Variants in CDH13 observed in about 807,000 individuals in gnomAD.
CDH13 encodes the protein cadherin-13.
In CDH13, 24 loss-of-function variants were observed where a neutral mutation model predicts 63.8. The observed-to-expected ratio is 0.38, with a 90% confidence interval of 0.27 to 0.53. The LOEUF (loss-of-function observed/expected upper bound fraction) is 0.53. Among genes scored for constraint, CDH13 ranks in the 20% least tolerant of loss-of-function variants. The pLI is 0.85. For synonymous variants in CDH13, 503 were observed against 355.3 expected, an observed-to-expected ratio of 1.42 and a Z score of -4.67; for missense variants, 1,049 against 903.1, an observed-to-expected ratio of 1.16 and a Z score of -2.07.
chr16:83,332,447 A>G (rs1195454308), intron 5 of CDH13, among the ~76,000 whole-genome samples: 1 of 152,192 alleles, frequency 6.6e-6, no homozygotes, highest in African/African-American at 2.4e-5. Context: ...TTACTTAACA[A>G]AATGACTTTA....
intron 5 of CDH13, among the ~76,000 whole-genome samples, chr16:83,300,821 T>C (rs2089716351): frequency 6.6e-6 from 1 of 152,200 alleles, no homozygotes; most frequent in African/African-American, 2.4e-5. Flanking sequence ...TTGTACATTT[T>C]ACTGTGTATG....
chr16:82,858,680 G>A, intron 2 of CDH13: 1 of 613,704 alleles, frequency 1.6e-6, no homozygotes, highest in Non-Finnish European at 2.9e-6. Context: ...TCTCTTTTTA[G>A]TATTTTATCA....
intron 2 of CDH13, among the ~76,000 whole-genome samples, chr16:82,943,851 C>T (rs187129733): frequency 1.1e-3 from 166 of 152,288 alleles, no homozygotes; most frequent in Non-Finnish European, 1.0e-3. Flanking sequence ...GTCAAGCAAT[C>T]GGCTTGCCAC....
intron 7 of CDH13, among the ~76,000 whole-genome samples, chr16:83,576,505 T>A (rs1567778377): frequency 6.6e-6 from 1 of 152,226 alleles, no homozygotes; most frequent in Non-Finnish European, 1.5e-5. Context: ...TGTTTCTAAT[T>A]CTTTGGGGTA....
intron 5 of CDH13, among the ~76,000 whole-genome samples, chr16:83,320,717 C>G (rs1010193829): frequency 3.3e-5 from 5 of 152,120 alleles, no homozygotes; most frequent in African/African-American, 7.2e-5. Context: ...ATTCTCTTGT[C>G]ATTAGTTCCG....
At chr16:83,446,307 A>G (rs2072686799) in intron 6 of CDH13, among the ~76,000 whole-genome samples, 1 of 151,850 alleles carries the variant, frequency 6.6e-6, no homozygotes, top group Admixed American at 6.6e-5. Flanking sequence ...TCTCAAAAAA[A>G]AAAAAAAAAG....
rs1907343837 is a variant in CDH13, at chr16:82,626,978, G to A, written c.-115G>A. The A allele has an allele frequency of 1.6e-6, 2 of 1,218,128 alleles. No individual in the cohort carries two copies. Among genetic ancestry groups the A allele is most frequent in the Non-Finnish European group, 2.4e-6 (2 of 843,826 alleles). The allele number at this position is 1,218,128 out of a possible 1,614,324, so 75.5% of individuals were successfully genotyped here. A position where few individuals can be genotyped will look rare whatever the true frequency, so the allele number is the denominator to read the frequency against. On this transcript the variant is annotated 5_prime_UTR_variant, in exon 1 of 14. Transcript: ENST00000567109. ...ATGCTGCTGCTGATCTATTTGGGAAGTTGGCTGGCTGGCGAGGCAGAGCCT... is the reference window on the plus strand; with the variant it reads ...ATGCTGCTGCTGATCTATTTGGGAAATTGGCTGGCTGGCGAGGCAGAGCCT...
At chr16:82,711,744 C>G (rs9931377) in intron 1 of CDH13, among the ~76,000 whole-genome samples, 41,627 of 152,096 alleles carry the variant, frequency 0.27, 6,300 homozygotes, top group Admixed American at 0.38. Flanking sequence ...GGAACACATT[C>G]TAAAGTTCAG....
chr16:82,888,825 C>G (rs2040980379), intron 2 of CDH13, among the ~76,000 whole-genome samples: 1 of 152,198 alleles, frequency 6.6e-6, no homozygotes, highest in Non-Finnish European at 1.5e-5. Context: ...CCTCTGTCTT[C>G]TAGATGCAAT....
In CDH13 at chr16:83,210,111, C is replaced by A. The variant is rs573388626; in HGVS notation, c.484-7234C>A. On this transcript the variant is annotated intron_variant, in intron 4 of 13. Coordinates refer to ENST00000567109, the MANE Select transcript of CDH13 (RefSeq NM_001257.5). Reference sequence around the variant, plus strand: ...ACAGAGTCTCGCTCTGTCATCCAGGCTAGAGTGCAGTGGTGTGATCTTGGC... The same window carrying A: ...ACAGAGTCTCGCTCTGTCATCCAGGATAGAGTGCAGTGGTGTGATCTTGGC... Among the ~76,000 whole-genome samples the A allele has an allele frequency of 2.6e-5, 4 of 151,138 alleles. No individual in the cohort carries two copies. In the East Asian group the frequency reaches 5.8e-4, roughly 22 times the overall value.
At chr16:82,920,452 A>G (rs1450545021) in intron 2 of CDH13, among the ~76,000 whole-genome samples, 2 of 152,202 alleles carry the variant, frequency 1.3e-5, no homozygotes, top group African/African-American at 4.8e-5. Context: ...TGATGTGGCC[A>G]ACAAAGACAA....
intron 6 of CDH13, among the ~76,000 whole-genome samples, chr16:83,422,330 C>A (rs9673715): frequency 0.22 from 33,772 of 152,076 alleles, 4,355 homozygotes; most frequent in East Asian, 0.52. Context: ...AACTTAAGAA[C>A]CAGAACTGTT....
chr16:83,593,058 G>A (rs185219108), intron 7 of CDH13, among the ~76,000 whole-genome samples: 262 of 152,268 alleles, frequency 1.7e-3, no homozygotes, highest in Non-Finnish European at 2.9e-3. Flanking sequence ...ACAACAACTC[G>A]TTCTGCTTCA....
chr16:83,198,789 C>T (rs187851626), intron 4 of CDH13, among the ~76,000 whole-genome samples: 2 of 152,056 alleles, frequency 1.3e-5, no homozygotes, highest in South Asian at 2.1e-4. Context: ...GGTACCCAAC[C>T]AGTATTAATA....
chr16:83,723,047 G>A (rs976740211), intron 10 of CDH13, among the ~76,000 whole-genome samples: 1 of 152,208 alleles, frequency 6.6e-6, no homozygotes, highest in Admixed American at 6.5e-5. Context: ...AGTACATGGT[G>A]CATTTTTAAA....
chr16:83,140,157 C>T (rs992040865), intron 4 of CDH13, among the ~76,000 whole-genome samples: 9 of 152,188 alleles, frequency 5.9e-5, no homozygotes, highest in Admixed American at 2.0e-4. Flanking sequence ...TCTGGGGTGA[C>T]ACCTAACAGT....
rs1299173950 is a variant in CDH13, at chr16:82,643,629, A to T, written c.45+16492A>T. ...TTCACGTTTGTTTTGCTGATTTGTA[A>T]AGTGAATTAAGAACCATCTTTTGCC... On this transcript the variant is annotated intron_variant, in intron 1 of 13. Coordinates refer to ENST00000567109, the MANE Select transcript of CDH13 (RefSeq NM_001257.5). 2.0e-5 allele frequency among the ~76,000 whole-genome samples: 3 copies of T among 152,340 alleles called. No individual in the cohort carries two copies. The East Asian group carries it at 5.8e-4, about 29-fold the overall frequency.
intron 2 of CDH13, among the ~76,000 whole-genome samples, chr16:83,006,302 A>G (rs1036960065): frequency 6.6e-6 from 1 of 152,220 alleles, no homozygotes; most frequent in Admixed American, 6.5e-5. Context: ...CCTTTCCTTA[A>G]TACAGAGAGG....
intron 1 of CDH13, among the ~76,000 whole-genome samples, chr16:82,804,743 A>G (rs148047553): frequency 1.1e-4 from 16 of 152,322 alleles, no homozygotes; most frequent in African/African-American, 3.4e-4. Flanking sequence ...CTTTCCCCAA[A>G]TAGGTATCTC....
Sources: gnomAD v4.1 joint callset for allele counts (sites outside exome capture counted in the v4.1 genomes callset) on GRCh38, gnomAD v4.1.1 for gene constraint, MANE v1.5 for transcripts, NCBI Gene and HGNC (gene_info 2026-07-23, HGNC 2026-07-21) for gene names.